CIDEC: variants seen among roughly 807,000 people sequenced by gnomAD.
The protein encoded by CIDEC is cell death inducing DFFA like effector c.
Under a neutral mutation model 21.9 loss-of-function variants are expected in CIDEC, and 11 were observed. The observed-to-expected ratio is 0.50, with a 90% confidence interval of 0.32 to 0.83. The LOEUF is 0.83. Ranked by LOEUF, CIDEC falls within the 40% of genes least tolerant of loss-of-function variation. The pLI, the probability that CIDEC is intolerant of heterozygous loss-of-function variation, is 0.04. For missense variants in CIDEC, 302 were observed against 302.3 expected (o/e 1.00, Z 0.01); for synonymous variants, 127 against 124.9 (o/e 1.02, Z -0.11).
At chr3:9,877,383 A>C (rs893570704) in intron 3 of CIDEC, among the ~76,000 whole-genome samples, 164 bp from the exon 4 acceptor site, 5 of 152,204 alleles carry the variant, frequency 3.3e-5, no homozygotes, top group Non-Finnish European at 7.3e-5. Flanking sequence ...GCTAGAAGCC[A>C]GGCACGGTGG....
At chr3:9,877,044 T>C (rs2082433337) in intron 4 of CIDEC, 22 bp downstream of exon 4, 2 of 1,546,146 alleles carry the variant, frequency 1.3e-6, no homozygotes, top group South Asian at 1.2e-5. Context: ...AGCTGGGCTG[T>C]GCAACGCGCA....
intron 4 of CIDEC, among the ~76,000 whole-genome samples, chr3:9,875,228 T>A (rs1351814621): frequency 6.6e-6 from 1 of 151,666 alleles, no homozygotes; most frequent in Non-Finnish European, 1.5e-5. Flanking sequence ...ACAAAAAAAA[T>A]TAGCTGGGCG....
chr3:9,878,802 C>T, intron 2 of CIDEC, 140 bp downstream of exon 2: 2 of 1,536,196 alleles, frequency 1.3e-6, no homozygotes, highest in Non-Finnish European at 1.7e-6. Flanking sequence ...TCCCCTGGCT[C>T]TGGTCACACT....
intron 3 of CIDEC, chr3:9,877,927 A>G (rs1360033203): frequency 5.9e-6 from 1 of 169,346 alleles, no homozygotes; most frequent in Non-Finnish European, 1.3e-5. Context: ...CACTCTCCTC[A>G]CCTGTAAAGT....
At chr3:9,875,148 G>A (rs1217496374) in intron 4 of CIDEC, among the ~76,000 whole-genome samples, 1 of 152,146 alleles carries the variant, frequency 6.6e-6, no homozygotes, top group Non-Finnish European at 1.5e-5. Context: ...GGTCGAGGCA[G>A]GCAGATCACG....
Position 9,877,162 on chromosome 3 carries a change from G to T in CIDEC, c.111C>A (p.Pro37=). ...GGCAGGGCCGGGCCCTGGGGGCCTTGGGGCTGGGCTCCGACAGCAGCTGCT... is the reference window on the plus strand; with the variant it reads ...GGCAGGGCCGGGCCCTGGGGGCCTTTGGGCTGGGCTCCGACAGCAGCTGCT... ...VTQQLLSEPS[P]KAPRARPCRV... is the part of the protein sequence containing the mutation. The change falls in exon 4 of 7, where the codon CCC becomes CCA. Residue 37 remains proline, a synonymous_variant. Coordinates refer to ENST00000336832, the MANE Select transcript of CIDEC (RefSeq NM_001321142.2). 1.3e-6 allele frequency: 2 copies of T among 1,551,524 alleles called. No homozygotes were observed. The highest frequency in any genetic ancestry group is 8.7e-7 in the Non-Finnish European group (1 of 1,147,194).
Position 9,866,787 on chromosome 3 carries a change from C to T in CIDEC, c.*347G>A, listed in dbSNP as rs1026989879. The stretch of plus-strand genomic sequence containing the variant: ...GCTTGCGAATTCACTCAGGAATGTT[C>T]CGGGATGGGGGCCAGAAGGTAGAGA... On this transcript the variant is annotated 3_prime_UTR_variant, in exon 7 of 7. Coordinates refer to ENST00000336832, the MANE Select transcript of CIDEC (RefSeq NM_001321142.2). The T allele has an allele frequency of 1.8e-6, 1 of 559,334 alleles. No individual in the cohort carries two copies. The highest frequency in any genetic ancestry group is 1.9e-5 in the African/African-American group (1 of 53,334). 34.6% of individuals were successfully genotyped at this position (559,334 alleles called of 1,614,324 possible).
In CIDEC at chr3:9,878,428, C is replaced by G. The variant is rs557130147; in HGVS notation, c.53+6G>C. 1.9e-6 allele frequency: 3 copies of G among 1,609,072 alleles called. No individual in the cohort carries two copies. In the East Asian group the frequency reaches 6.7e-5, roughly 36 times the overall value. ...CTCTTTCCATTCTGCCCATGACTTTCCTCACCTGGAGAGGGACTTGGGGTA... is the reference window on the plus strand; with the variant it reads ...CTCTTTCCATTCTGCCCATGACTTTGCTCACCTGGAGAGGGACTTGGGGTA... On this transcript the variant is annotated splice_donor_region_variant and intron_variant, in intron 3 of 6. Transcript: ENST00000336832.
chr3:9,867,973 C>G (rs1175906667), intron 6 of CIDEC, among the ~76,000 whole-genome samples: 1 of 151,998 alleles, frequency 6.6e-6, no homozygotes, highest in African/African-American at 2.4e-5. Context: ...GAGTGTACCC[C>G]CTCCCTGCAC....
chr3:9,878,565 C>G (rs2082461186), intron 2 of CIDEC, 54 bp from the exon 3 acceptor site: 2 of 1,507,642 alleles, frequency 1.3e-6, no homozygotes, highest in Admixed American at 3.4e-5. Context: ...GTTCCCATCT[C>G]TCTCATTGTT....
Position 9,879,021 on chromosome 3 carries a change from C to T in CIDEC, c.-105G>A, listed in dbSNP as rs889802347. On this transcript the variant is annotated 5_prime_UTR_variant, in exon 2 of 7. Transcript: ENST00000336832. Reference sequence around the variant, plus strand: ...ATGGGTCCTTGAGCAATCCGAGCCCCTTCCTGAGGCTTCACAGTGGCCAAA... The same window carrying T: ...ATGGGTCCTTGAGCAATCCGAGCCCTTTCCTGAGGCTTCACAGTGGCCAAA... 9 of 602,426 alleles carry T rather than the reference C, an allele frequency of 1.5e-5. No homozygotes were observed. Among genetic ancestry groups the T allele is most frequent in the Admixed American group, 2.8e-5 (1 of 36,170 alleles). The allele number at this position is 602,426 out of a possible 1,614,324, so 37.3% of individuals were successfully genotyped here.
In CIDEC at chr3:9,878,765, C is replaced by T. The variant is rs773505472; in HGVS notation, c.-26+177G>A. ...TCACTCAGCAGCTGCTGCTCCTGCC[C>T]CAGTCCCACTCACTCCATGTTTCTC... On this transcript the variant is annotated intron_variant, in intron 2 of 6. Transcript: ENST00000336832. The T allele has an allele frequency of 5.2e-6, 8 of 1,536,220 alleles. No individual in the cohort carries two copies. The East Asian group carries it at 9.8e-5, about 19-fold the overall frequency.
intron 4 of CIDEC, 55 bp downstream of exon 4, chr3:9,877,011 A>G: frequency 2.0e-6 from 3 of 1,466,052 alleles, no homozygotes; most frequent in Non-Finnish European, 2.8e-6. Flanking sequence ...CCTGACCTCC[A>G]TCTCTGCTGA....
chr3:9,876,399 G>A (rs553615869), intron 4 of CIDEC, among the ~76,000 whole-genome samples: 2 of 152,084 alleles, frequency 1.3e-5, no homozygotes, highest in Non-Finnish European at 2.9e-5. Context: ...ACTTGAACCT[G>A]GGAGGCGGAG....
chr3:9,873,740 C>G (rs1055934373), intron 4 of CIDEC, among the ~76,000 whole-genome samples: 3 of 152,192 alleles, frequency 2.0e-5, no homozygotes, highest in African/African-American at 7.2e-5. Context: ...AGGCTCTCAT[C>G]AGAAGAAATG....
chr3:9,871,944 T>C (rs1483267393), intron 4 of CIDEC, among the ~76,000 whole-genome samples: 1 of 151,760 alleles, frequency 6.6e-6, no homozygotes, highest in Admixed American at 6.6e-5. Flanking sequence ...AATCTTTTTT[T>C]CGTTTGTTTG....
chr3:9,870,390 C>A (rs2082332010), intron 4 of CIDEC, 68 bp from the exon 5 acceptor site: 1 of 1,599,360 alleles, frequency 6.3e-7, no homozygotes, highest in Non-Finnish European at 8.5e-7. Flanking sequence ...TGAGGTGGAA[C>A]TGGAGCCCAG....
At chr3:9,869,821 A>C in intron 6 of CIDEC, 61 bp downstream of exon 6, 1 of 1,492,056 alleles carries the variant, frequency 6.7e-7, no homozygotes, top group Non-Finnish European at 9.3e-7. Context: ...CCATGTGGAC[A>C]GATAGGGGCT....
chr3:9,873,314 G>A (rs763955148), intron 4 of CIDEC, among the ~76,000 whole-genome samples: 11 of 152,166 alleles, frequency 7.2e-5, no homozygotes, highest in Non-Finnish European at 1.5e-4. Flanking sequence ...GTGATTAAAT[G>A]CAAAAATGTC....
Sources: allele counts gnomAD v4.1 joint callset (sites outside exome capture counted in the v4.1 genomes callset), GRCh38; gene constraint gnomAD v4.1.1; transcripts MANE v1.5; gene names NCBI Gene and HGNC (gene_info 2026-07-23, HGNC 2026-07-21).